The following STRN variants were observed in gnomAD, a reference collection of about 807,000 sequenced individuals.
The protein encoded by STRN is striatin, also known as protein phosphatase 2 regulatory subunit B'''alpha.
STRN carries 53 observed loss-of-function variants against 96.3 expected under a neutral mutation model. That is an observed-to-expected ratio of 0.55 (90% CI 0.44 to 0.69). The LOEUF (loss-of-function observed/expected upper bound fraction) is 0.69. STRN is among the 30% of genes least tolerant of loss of function. The probability of loss-of-function intolerance (pLI) is 0.00; values close to 1 mark genes in which losing one functional copy is unlikely to be tolerated. For synonymous variants in STRN, 428 were observed against 355.9 expected (o/e 1.20, Z -2.28); for missense variants, 987 against 963.9 (o/e 1.02, Z -0.32).
intron 1 of STRN, among the ~76,000 whole-genome samples, chr2:36,940,060 T>C (rs1255347080): frequency 6.6e-6 from 1 of 152,234 alleles, no homozygotes; most frequent in Non-Finnish European, 1.5e-5. Flanking sequence ...GAACTTATAA[T>C]CTACATAAAA....
intron 1 of STRN, among the ~76,000 whole-genome samples, chr2:36,927,131 G>A (rs1197732533): frequency 1.3e-5 from 2 of 152,136 alleles, no homozygotes; most frequent in East Asian, 1.9e-4. Context: ...GGTCCTGGAT[G>A]ATTCTGAAAC....
intron 9 of STRN, among the ~76,000 whole-genome samples, chr2:36,883,105 T>C (rs1039522118): frequency 1.3e-5 from 2 of 152,196 alleles, no homozygotes; most frequent in African/African-American, 4.8e-5. Context: ...TTATTATACA[T>C]GATGTAGAAT....
intron 2 of STRN, among the ~76,000 whole-genome samples, chr2:36,923,648 T>C (rs531856177): frequency 1.3e-5 from 2 of 152,334 alleles, no homozygotes; most frequent in African/African-American, 4.8e-5. Context: ...CAAGTTCTAA[T>C]AAAATTTTAT....
chr2:36,855,764 T>C lies in STRN; in HGVS notation c.1838-412A>G, dbSNP rs181202706. Among the ~76,000 whole-genome samples the C allele has an allele frequency of 6.6e-3, 1,002 of 152,252 alleles. 9 individuals carry two copies. The highest frequency in any genetic ancestry group is 0.023 in the African/African-American group (963 of 41,548). ...CATCAAAAATAGAGAAATTAAAAAG[T>C]AAAATTTAAAATTATTATTTATCGT... On this transcript the variant is annotated intron_variant, in intron 14 of 17. Transcript: ENST00000263918.
intron 1 of STRN, among the ~76,000 whole-genome samples, chr2:36,932,432 C>A (rs775096452): frequency 6.6e-6 from 1 of 152,026 alleles, no homozygotes; most frequent in Non-Finnish European, 1.5e-5. Flanking sequence ...TGGGATTACA[C>A]GCGTGAGCCA....
At chr2:36,927,534 G>GGA (rs1553402936) in intron 1 of STRN, among the ~76,000 whole-genome samples, 1 of 143,598 alleles carries the variant, frequency 7.0e-6, no homozygotes, top group Non-Finnish European at 1.5e-5. Flanking sequence ...AGGGGGGGGG[G>GGA]GGTGGTAATC....
At chr2:36,890,794 T>C (rs1669376937) in intron 7 of STRN, among the ~76,000 whole-genome samples, 1 of 152,132 alleles carries the variant, frequency 6.6e-6, no homozygotes, top group Non-Finnish European at 1.5e-5. Context: ...CAGAAAACTA[T>C]TTTTTAATGA....
chr2:36,846,673 T>C lies in STRN; in HGVS notation c.*2783A>G, dbSNP rs950329199. ...GATTATAAAAGCGAAATATTTTGCA[T>C]AACTAAGTATTTGTTTAATGGCAAA... On this transcript the variant is annotated 3_prime_UTR_variant, in exon 18 of 18. Coordinates refer to ENST00000263918, the MANE Select transcript of STRN (RefSeq NM_003162.4). 1 of 151,790 alleles carries C rather than the reference T, an allele frequency of 6.6e-6. No individual in the cohort carries two copies. The highest frequency in any genetic ancestry group is 1.5e-5 in the Non-Finnish European group (1 of 67,946). 9.4% of individuals were successfully genotyped at this position (151,790 alleles called of 1,614,324 possible).
At chr2:36,884,152 T>C (rs1466560901) in intron 8 of STRN, 77 bp from the exon 9 acceptor site, 4 of 1,212,870 alleles carry the variant, frequency 3.3e-6, no homozygotes, top group Admixed American at 7.4e-5. Flanking sequence ...AATGGTATTA[T>C]AAGCCTTATT....
chr2:36,919,797 AAATTTTTCAG>A (rs1434098992), intron 2 of STRN, among the ~76,000 whole-genome samples: 37 of 152,340 alleles, frequency 2.4e-4, no homozygotes, highest in African/African-American at 8.4e-4. Context: ...AAAATGGCAG[AAATTTTTCAG>A]AATTGTATTT....
chr2:36,852,955 G>A (rs1011721052), intron 15 of STRN, among the ~76,000 whole-genome samples: 35 of 152,064 alleles, frequency 2.3e-4, no homozygotes, highest in African/African-American at 7.7e-4. Flanking sequence ...TCAGGAGTTC[G>A]AGACCAGCCT....
intron 8 of STRN, among the ~76,000 whole-genome samples, chr2:36,885,752 G>C (rs1669203918): frequency 1.3e-5 from 2 of 152,090 alleles, no homozygotes; most frequent in African/African-American, 4.8e-5. Context: ...TCACTACAGA[G>C]AGAGAAAAAG....
chr2:36,904,969 CTT>C (rs199913588), intron 4 of STRN, among the ~76,000 whole-genome samples: 1,420 of 134,780 alleles, frequency 0.011, 11 homozygotes, highest in Non-Finnish European at 0.014. Flanking sequence ...ACCAATTGCA[CTT>C]TTTTTTTTTT....
At chr2:36,914,123 A>G (rs1670031567) in intron 3 of STRN, among the ~76,000 whole-genome samples, 2 of 152,060 alleles carry the variant, frequency 1.3e-5, no homozygotes, top group African/African-American at 2.4e-5. Context: ...CCCAGTAGCT[A>G]GGACTACAGA....
At chr2:36,874,074 T>C (rs1261556967) in intron 10 of STRN, among the ~76,000 whole-genome samples, 1 of 147,596 alleles carries the variant, frequency 6.8e-6, no homozygotes, top group Non-Finnish European at 1.5e-5. Flanking sequence ...GCTAACACGG[T>C]GAAAACCCCA....
chr2:36,910,750 G>A (rs1332078242), intron 3 of STRN, among the ~76,000 whole-genome samples: 1 of 152,058 alleles, frequency 6.6e-6, no homozygotes, highest in Non-Finnish European at 1.5e-5. Context: ...AATCATAAGT[G>A]CAAATGGTCT....
At chr2:36,905,959 C>G (rs1488377076) in intron 3 of STRN, among the ~76,000 whole-genome samples, 2 of 152,072 alleles carry the variant, frequency 1.3e-5, no homozygotes, top group Non-Finnish European at 2.9e-5. Flanking sequence ...AGTAGCACAT[C>G]AGAACTAGAA....
chr2:36,875,697 C>T (rs1572639501), intron 10 of STRN, among the ~76,000 whole-genome samples: 1 of 149,394 alleles, frequency 6.7e-6, no homozygotes, highest in African/African-American at 2.5e-5. Flanking sequence ...CGCTCTATCG[C>T]CCGCGCTGGA....
chr2:36,856,121 C>T lies in STRN; in HGVS notation c.1838-769G>A, dbSNP rs79475487. Among the ~76,000 whole-genome samples the T allele has an allele frequency of 2.5e-3, 383 of 152,302 alleles. 3 individuals are homozygous for T. The highest frequency in any genetic ancestry group is 8.9e-3 in the African/African-American group (372 of 41,586). On this transcript the variant is annotated intron_variant, in intron 14 of 17. Coordinates refer to ENST00000263918, the MANE Select transcript of STRN (RefSeq NM_003162.4). ...GCAAATAAACTATGATGAAATACTA[C>T]TACACATCCACCAGAATGGCTAAAG... is the stretch of plus-strand genomic sequence containing the variant.
Sources: allele counts gnomAD v4.1 joint callset (sites outside exome capture counted in the v4.1 genomes callset), GRCh38; gene constraint gnomAD v4.1.1; transcripts MANE v1.5; gene names NCBI Gene and HGNC (gene_info 2026-07-23, HGNC 2026-07-21).